The following FAM227A variants were observed in gnomAD, a reference collection of about 807,000 sequenced individuals.
FAM227A encodes protein FAM227A.
In FAM227A, 80 loss-of-function variants were observed where a neutral mutation model predicts 74.7. The ratio of observed to expected loss-of-function variants is 1.07; its 90% confidence interval spans 0.89 to 1.29. The LOEUF is 1.29. Among genes scored for constraint, FAM227A ranks in the 50% most tolerant of loss-of-function variants. The pLI is 0.00. For synonymous variants in FAM227A, 237 were observed against 241.8 expected, an observed-to-expected ratio of 0.98 and a Z score of 0.19; for missense variants, 654 against 683.4, an observed-to-expected ratio of 0.96 and a Z score of 0.48.
Position 38,628,822 on chromosome 22 carries a change from A to T in FAM227A, c.621+12T>A. On this transcript the variant is annotated intron_variant, in intron 7 of 16. Coordinates refer to ENST00000535113, the MANE Select transcript of FAM227A (RefSeq NM_001013647.2). The stretch of plus-strand genomic sequence containing the variant: ...TTAAGCAAGGCAGAGAAACAAGCAG[A>T]TTTGTATTTACCTGGTACCTCTCAT... The T allele has an allele frequency of 1.4e-6, 2 of 1,419,620 alleles. No individual in the cohort carries two copies. Among genetic ancestry groups the T allele is most frequent in the South Asian group, 2.5e-5 (2 of 78,746 alleles). The allele number at this position is 1,419,620 out of a possible 1,614,324, so 87.9% of individuals were successfully genotyped here. A position where few individuals can be genotyped will look rare whatever the true frequency, so the allele number is the denominator to read the frequency against.
At chr22:38,588,972 T>C (rs981981285) in intron 16 of FAM227A, among the ~76,000 whole-genome samples, 3 of 151,300 alleles carry the variant, frequency 2.0e-5, no homozygotes, top group Admixed American at 6.6e-5. Context: ...AAAGCTGTTA[T>C]AGGTTTTGGG....
intron 4 of FAM227A, 98 bp downstream of exon 4, chr22:38,639,557 C>T (rs2092071082): frequency 8.8e-7 from 1 of 1,138,724 alleles, no homozygotes; most frequent in Non-Finnish European, 1.3e-6. Context: ...ACAGAAACAT[C>T]CTCATCTGAA....
chr22:38,628,152 TA>T, intron 8 of FAM227A, 85 bp downstream of exon 8: 1 of 817,022 alleles, frequency 1.2e-6, no homozygotes, highest in Non-Finnish European at 2.0e-6. Context: ...CTCCCTTATG[TA>T]AAGAATGTTT....
rs778977243 is a variant in FAM227A, at chr22:38,582,960, G to C, written c.*3165C>G. 49 of 1,550,198 alleles carry C rather than the reference G, an allele frequency of 3.2e-5. No homozygotes were observed. The highest frequency in any genetic ancestry group is 4.3e-5 in the Non-Finnish European group (49 of 1,146,834). On this transcript the variant is annotated 3_prime_UTR_variant, in exon 17 of 17. Coordinates refer to ENST00000535113, the MANE Select transcript of FAM227A (RefSeq NM_001013647.2). ...ATTAGTGATGTTGGCAGTTAACAAAGAGGAGGGAGGAGAAGGCATTTTCAG... is the reference window on the plus strand; with the variant it reads ...ATTAGTGATGTTGGCAGTTAACAAACAGGAGGGAGGAGAAGGCATTTTCAG...
intron 9 of FAM227A, among the ~76,000 whole-genome samples, chr22:38,623,880 T>C (rs2091742839): frequency 1.3e-5 from 2 of 152,136 alleles, no homozygotes; most frequent in African/African-American, 4.8e-5. Context: ...CTTTACGTGT[T>C]TGACAGTGAT....
intron 11 of FAM227A, among the ~76,000 whole-genome samples, chr22:38,616,983 T>C (rs1569211010): frequency 6.6e-6 from 1 of 151,888 alleles, no homozygotes; most frequent in Non-Finnish European, 1.5e-5. Context: ...GCCTTCCTGC[T>C]GACTGCTTGT....
intron 13 of FAM227A, among the ~76,000 whole-genome samples, chr22:38,603,844 G>C (rs374079703): frequency 1.3e-5 from 2 of 152,074 alleles, no homozygotes; most frequent in Non-Finnish European, 2.9e-5. Context: ...ATACTGGGGG[G>C]TTATGTGAGT....
At chr22:38,622,801 G>A (rs1318978680) in intron 10 of FAM227A, among the ~76,000 whole-genome samples, 2 of 147,280 alleles carry the variant, frequency 1.4e-5, no homozygotes, top group African/African-American at 2.5e-5. Context: ...ACTTGAATCC[G>A]GGAGGTGGAG....
rs1469404638 is a variant in FAM227A at position 38,650,218 on chromosome 22, C to A, written c.-50G>T. 4.2e-5 allele frequency: 64 copies of A among 1,522,558 alleles called. No individual in the cohort carries two copies. Among genetic ancestry groups the A allele is most frequent in the Non-Finnish European group, 5.5e-5 (62 of 1,123,330 alleles). 94.3% of individuals were successfully genotyped at this position (1,522,558 alleles called of 1,614,324 possible). On this transcript the variant is annotated 5_prime_UTR_variant, in exon 2 of 17. Transcript: ENST00000535113. ...AACAAAAAGCTTCCACTTTTAAGAG[C>A]CTCTCATTTCCCACTCCAATCTTGT...
rs752371780 is a variant in FAM227A at position 38,585,822 on chromosome 22, G to A, written c.*303C>T. 5.8e-4 allele frequency: 313 copies of A among 535,666 alleles called. No individual in the cohort carries two copies. Among genetic ancestry groups the A allele is most frequent in the Non-Finnish European group, 8.2e-4 (257 of 315,084 alleles). The allele number at this position is 535,666 out of a possible 1,614,324, so 33.2% of individuals were successfully genotyped here. A position where few individuals can be genotyped will look rare whatever the true frequency, so the allele number is the denominator to read the frequency against. On this transcript the variant is annotated 3_prime_UTR_variant, in exon 17 of 17. Coordinates refer to ENST00000535113, the MANE Select transcript of FAM227A (RefSeq NM_001013647.2). ...GCAGTGGATAATCCCTACTTCATAC[G>A]GCTGGTATGAAAGTTTTACCTTTGT...
chr22:38,588,677 C>G (rs563859629), intron 16 of FAM227A, among the ~76,000 whole-genome samples: 1 of 140,158 alleles, frequency 7.1e-6, no homozygotes, highest in South Asian at 2.3e-4. Flanking sequence ...AATCCTAGAA[C>G]TTTGGGAGGC....
chr22:38,634,463 G>C (rs1276187439), intron 6 of FAM227A, among the ~76,000 whole-genome samples: 1 of 152,020 alleles, frequency 6.6e-6, no homozygotes, highest in East Asian at 1.9e-4. Context: ...CGTTTTCTTA[G>C]AATTTATGAC....
At chr22:38,620,932 T>G (rs2091676569) in intron 10 of FAM227A, among the ~76,000 whole-genome samples, 1 of 152,192 alleles carries the variant, frequency 6.6e-6, no homozygotes. Context: ...TTAAAATGCT[T>G]AAATGCTTAA....
rs1161723776 is a variant in FAM227A, at chr22:38,582,318, A to T, written c.*3807T>A. ...AATTCATAAGCAATTCAAAATCAGGACTATAGGATTTTAACTTCATCTCTT... is the reference window on the plus strand; with the variant it reads ...AATTCATAAGCAATTCAAAATCAGGTCTATAGGATTTTAACTTCATCTCTT... On this transcript the variant is annotated 3_prime_UTR_variant, in exon 17 of 17. Transcript: ENST00000535113. 6.5e-7 allele frequency: 1 copy of T among 1,541,360 alleles called. No homozygotes were observed. Among genetic ancestry groups the T allele is most frequent in the South Asian group, 1.2e-5 (1 of 83,764 alleles).
Position 38,583,218 on chromosome 22 carries a change from G to T in FAM227A, c.*2907C>A, listed in dbSNP as rs1467607907. 3.1e-6 allele frequency: 1 copy of T among 322,026 alleles called. No individual in the cohort carries two copies. Among genetic ancestry groups the T allele is most frequent in the Non-Finnish European group, 5.8e-6 (1 of 171,080 alleles). The allele number at this position is 322,026 out of a possible 1,614,324, so 19.9% of individuals were successfully genotyped here. On this transcript the variant is annotated 3_prime_UTR_variant, in exon 17 of 17. Coordinates refer to ENST00000535113, the MANE Select transcript of FAM227A (RefSeq NM_001013647.2). The stretch of plus-strand genomic sequence containing the variant: ...ATGGAGTTTCACTCTTGTTACCCAG[G>T]CTGGAGTGCAATGGTGCAATCTCAG...
In FAM227A at chr22:38,582,347, G is replaced by A; in HGVS notation, c.*3778C>T. On this transcript the variant is annotated 3_prime_UTR_variant, in exon 17 of 17. Transcript: ENST00000535113. The stretch of plus-strand genomic sequence containing the variant: ...TAGGATTTTAACTTCATCTCTTCTA[G>A]TTTAACATCTGAATTTATCTTCTTC... 6.5e-7 allele frequency: 1 copy of A among 1,549,942 alleles called. No individual in the cohort carries two copies. The highest frequency in any genetic ancestry group is 8.7e-7 in the Non-Finnish European group (1 of 1,146,604).
intron 13 of FAM227A, among the ~76,000 whole-genome samples, chr22:38,601,172 A>G (rs1470844542): frequency 6.6e-6 from 1 of 152,128 alleles, no homozygotes; most frequent in Non-Finnish European, 1.5e-5. Context: ...AAATCAACAA[A>G]TAAAGGAATA....
At chr22:38,654,880 G>A (rs964453211) in intron 1 of FAM227A, among the ~76,000 whole-genome samples, 3 of 151,466 alleles carry the variant, frequency 2.0e-5, no homozygotes, top group Non-Finnish European at 2.9e-5. Flanking sequence ...CCCAGGAGGC[G>A]GAGCTTGCAG....
Position 38,583,003 on chromosome 22 carries a change from G to A in FAM227A, c.*3122C>T. On this transcript the variant is annotated 3_prime_UTR_variant, in exon 17 of 17. Transcript: ENST00000535113. ...ATTTTCAGGTCCAGAAGCAGCAACA[G>A]ACAAAAGATCCAGAAATAGGAAAGT... 1 of 1,531,934 alleles carries A rather than the reference G, an allele frequency of 6.5e-7. No individual in the cohort carries two copies. Among genetic ancestry groups the A allele is most frequent in the Non-Finnish European group, 8.8e-7 (1 of 1,131,492 alleles). 94.9% of individuals were successfully genotyped at this position (1,531,934 alleles called of 1,614,324 possible).
Sources: allele counts gnomAD v4.1 joint callset (sites outside exome capture counted in the v4.1 genomes callset), GRCh38; gene constraint gnomAD v4.1.1; transcripts MANE v1.5; gene names NCBI Gene and HGNC (gene_info 2026-07-23, HGNC 2026-07-21).